The following KAZN variants were observed in gnomAD, a reference collection of about 807,000 sequenced individuals.
KAZN encodes kazrin.
A neutral mutation model predicts 87.4 loss-of-function variants in KAZN; 40 were observed. That is an observed-to-expected ratio of 0.46 (90% CI 0.36 to 0.60). KAZN has a LOEUF of 0.60. Ranked by LOEUF, KAZN falls within the 20% of genes least tolerant of loss-of-function variation. The pLI, the probability that KAZN is intolerant of heterozygous loss-of-function variation, is 0.00. For synonymous variants in KAZN, 466 were observed against 458.3 expected (o/e 1.02, Z -0.22); for missense variants, 898 against 1,073.9 (o/e 0.84, Z 2.29).
At chr1:14,419,173 T>C (rs1444144969) in intron 2 of KAZN, among the ~76,000 whole-genome samples, 2 of 152,220 alleles carry the variant, frequency 1.3e-5, no homozygotes, top group Admixed American at 1.3e-4. Flanking sequence ...CTGTAATAAA[T>C]ATACCTTATA....
intron 2 of KAZN, among the ~76,000 whole-genome samples, chr1:14,345,356 G>A (rs1461738030): frequency 2.0e-5 from 3 of 149,988 alleles, no homozygotes; most frequent in African/African-American, 7.3e-5. Context: ...GATTCAGAAG[G>A]TCAGAGAGAC....
intron 1 of KAZN, among the ~76,000 whole-genome samples, chr1:14,916,110 G>C (rs926327085): frequency 6.6e-6 from 1 of 150,664 alleles, no homozygotes; most frequent in Non-Finnish European, 1.5e-5. Context: ...CTGGCACATA[G>C]TAAGTGCTAT....
At chr1:14,013,609 G>A (rs1640424409) in intron 1 of KAZN, among the ~76,000 whole-genome samples, 2 of 152,266 alleles carry the variant, frequency 1.3e-5, no homozygotes, top group African/African-American at 2.4e-5. Flanking sequence ...CAGAAAGGAA[G>A]GGTTCGATGG....
At chr1:15,044,786 G>T (rs984692307) in intron 4 of KAZN, among the ~76,000 whole-genome samples, 1 of 151,248 alleles carries the variant, frequency 6.6e-6, no homozygotes, top group African/African-American at 2.4e-5. Context: ...ATACATATTT[G>T]CTTAGGAAAA....
intron 1 of KAZN, among the ~76,000 whole-genome samples, chr1:14,695,852 AG>A (rs1641575099): frequency 6.6e-6 from 1 of 151,960 alleles, no homozygotes; most frequent in South Asian, 2.1e-4. Context: ...CATAGCTTTT[AG>A]GGGTGCTATA....
At chr1:15,000,980 G>A (rs1270264059) in intron 2 of KAZN, among the ~76,000 whole-genome samples, 1 of 150,112 alleles carries the variant, frequency 6.7e-6, no homozygotes, top group Non-Finnish European at 1.5e-5. Flanking sequence ...GTGTCTACCT[G>A]TGATCCCAGC....
intron 1 of KAZN, among the ~76,000 whole-genome samples, chr1:14,078,173 C>A (rs991423487): frequency 3.3e-5 from 5 of 152,204 alleles, no homozygotes; most frequent in African/African-American, 1.2e-4. Flanking sequence ...GGGGTCAGGA[C>A]ACATGGCTGG....
chr1:14,246,375 A>G (rs1019619574), intron 2 of KAZN, among the ~76,000 whole-genome samples: 2 of 152,172 alleles, frequency 1.3e-5, no homozygotes, highest in Non-Finnish European at 2.9e-5. Flanking sequence ...TTGCCATTTC[A>G]TAGCTTTACC....
chr1:14,023,785 G>A (rs1640951958), intron 1 of KAZN, among the ~76,000 whole-genome samples: 1 of 152,170 alleles, frequency 6.6e-6, no homozygotes, highest in African/African-American at 2.4e-5. Flanking sequence ...GAGTGAGGAT[G>A]AGTTCCGGCT....
chr1:14,612,032 C>T (rs1049731092), intron 1 of KAZN, among the ~76,000 whole-genome samples: 1 of 152,146 alleles, frequency 6.6e-6, no homozygotes, highest in African/African-American at 2.4e-5. Context: ...GATCATTTGC[C>T]AACCCTTGGA....
intron 2 of KAZN, among the ~76,000 whole-genome samples, chr1:14,193,763 C>T (rs1254873788): frequency 6.6e-6 from 1 of 151,566 alleles, no homozygotes; most frequent in Non-Finnish European, 1.5e-5. Flanking sequence ...TTGAGGCCAA[C>T]CTGTGTGTTT....
intron 4 of KAZN, among the ~76,000 whole-genome samples, chr1:15,048,317 C>T (rs557611230): frequency 1.3e-5 from 2 of 152,374 alleles, no homozygotes; most frequent in East Asian, 3.9e-4. Flanking sequence ...GCCATCCACC[C>T]TTGCTGGGGG....
chr1:14,369,046 T>C (rs1571417960), intron 2 of KAZN, among the ~76,000 whole-genome samples: 1 of 152,176 alleles, frequency 6.6e-6, no homozygotes, highest in African/African-American at 2.4e-5. Flanking sequence ...GAATAAATAG[T>C]ATTGACTTTC....
chr1:15,110,317 ATTT>A (rs1487347697), intron 13 of KAZN, among the ~76,000 whole-genome samples: 2 of 144,110 alleles, frequency 1.4e-5, no homozygotes, highest in African/African-American at 5.2e-5. Flanking sequence ...GTATTTGTGT[ATTT>A]GTGTGTGGGC....
chr1:15,094,926 G>A lies in KAZN; in HGVS notation c.1540G>A (p.Gly514Ser), dbSNP rs1355826693. The A allele has an allele frequency of 5.8e-6, 9 of 1,549,080 alleles. No individual in the cohort carries two copies. In the African/African-American group the frequency reaches 8.2e-5, roughly 14 times the overall value. Residue 514 changes from glycine (G) to serine (S), a missense_variant, in exon 10 of 15, where the codon GGC becomes AGC. Around this residue, in one of 3 missense-constraint regions of KAZN, gnomAD observed 521 missense variants for 689.4 expected, o/e 0.76. Coordinates refer to ENST00000376030, the MANE Select transcript of KAZN (RefSeq NM_201628.3). This position sits in a 1 kb window ranked among gnomAD's most constrained non-coding sequence, Gnocchi z 4.5. ...CGAGGACTACCGTGATGCCGAGGCA[G>A]GCCGCAGGTGAGCCCACCACGAGGG... ...AIEDYRDAEA[G>S]RSLSKAAELD...
chr1:13,940,566 A>C (rs1640891882), intron 1 of KAZN, among the ~76,000 whole-genome samples: 1 of 152,222 alleles, frequency 6.6e-6, no homozygotes, highest in South Asian at 2.1e-4. Flanking sequence ...CATATCAGAT[A>C]ATTTACCAGA....
chr1:14,781,384 C>T (rs1429933146), intron 1 of KAZN, among the ~76,000 whole-genome samples: 2 of 152,168 alleles, frequency 1.3e-5, no homozygotes, highest in African/African-American at 4.8e-5. Flanking sequence ...GAAATCATAT[C>T]CCCATTTAAA....
chr1:14,251,233 C>T (rs1012902361), intron 2 of KAZN, among the ~76,000 whole-genome samples: 10 of 152,162 alleles, frequency 6.6e-5, no homozygotes, highest in African/African-American at 2.4e-4. Flanking sequence ...ACTGTGACCA[C>T]CATCACTTCT....
rs377291207 is a variant in KAZN at position 13,960,555 on chromosome 1, A to C, written c.91+66799A>C. Among the ~76,000 whole-genome samples, 13 of 152,284 alleles carry C rather than the reference A, an allele frequency of 8.5e-5. No individual in the cohort carries two copies. In the East Asian group the frequency reaches 1.9e-3, roughly 23 times the overall value. On this transcript the variant is annotated intron_variant, in intron 1 of 16. Coordinates refer to the KAZN transcript ENST00000636203. ...CTAACCAGGGCCATCTTGGAACGCT[A>C]CGTGCAGCCACAGTGACCTCTGGTG...
Sources: gnomAD v4.1 joint callset for allele counts (sites outside exome capture counted in the v4.1 genomes callset) on GRCh38, gnomAD v4.1.1 for gene constraint, gnomAD v4.1.1 regional missense constraint, Gnocchi (gnomAD v3.1) non-coding constraint, MANE v1.5 for transcripts, NCBI Gene and HGNC (gene_info 2026-07-23, HGNC 2026-07-21) for gene names.